MYH13: variants seen among roughly 807,000 people sequenced by gnomAD.
MYH13 encodes myosin heavy chain 13, also known as myosin-13.
A neutral mutation model predicts 232.1 loss-of-function variants in MYH13; 177 were observed. The observed-to-expected ratio is 0.76, with a 90% CI of 0.67 to 0.86. The LOEUF is 0.86. MYH13 is among the 40% of genes least tolerant of loss of function. MYH13 has a pLI of 0.00. For missense variants in MYH13, 2,246 were observed against 2,405.9 expected, an observed-to-expected ratio of 0.93 and a Z score of 1.39; for synonymous variants, 884 against 923.5, an observed-to-expected ratio of 0.96 and a Z score of 0.78.
chr17:10,310,506 C>A (rs1290855250), intron 33 of MYH13, among the ~76,000 whole-genome samples: 2 of 152,170 alleles, frequency 1.3e-5, no homozygotes, highest in African/African-American at 4.8e-5. Context: ...GGGACTAAAA[C>A]TTTGCATCGC....
rs1445485833 is a variant in MYH13, at chr17:10,319,148, T to C, written c.3380A>G (p.Glu1127Gly). 1 of 1,614,108 alleles carries C rather than the reference T, an allele frequency of 6.2e-7. No homozygotes were observed. The highest frequency in any genetic ancestry group is 2.2e-5 in the East Asian group (1 of 44,876). Residue 1127 changes from glutamate (E) to glycine (G), a missense_variant, in exon 27 of 41, where the codon GAA (glutamate) becomes GGA (glycine). By Grantham distance (98) the Glu-to-Gly change is moderately conservative. Coordinates refer to ENST00000252172, the MANE Select transcript of MYH13 (RefSeq NM_003802.3). ...ARIEELEEEI[E>G]AEHTLRAKIE... The stretch of plus-strand genomic sequence containing the variant: ...CTTGGCTCTGAGCGTGTGTTCCGCT[T>C]CAATTTCCTCCTCCAGCTCTTCTAT...
At chr17:10,353,439 C>T (rs1173331163) in intron 11 of MYH13, among the ~76,000 whole-genome samples, 1 of 152,188 alleles carries the variant, frequency 6.6e-6, no homozygotes, top group African/African-American at 2.4e-5. Context: ...GGATGATGGA[C>T]AAGACCCCTT....
chr17:10,313,005 C>G (rs1223465946), intron 30 of MYH13, among the ~76,000 whole-genome samples, 153 bp downstream of exon 30: 1 of 152,022 alleles, frequency 6.6e-6, no homozygotes, highest in African/African-American at 2.4e-5. Flanking sequence ...AGAAGAAGGA[C>G]AGGGAGACCC....
At chr17:10,316,540 A>G (rs1906721058) in intron 27 of MYH13, among the ~76,000 whole-genome samples, 1 of 152,238 alleles carries the variant, frequency 6.6e-6, no homozygotes, top group African/African-American at 2.4e-5. Flanking sequence ...GTAGATAAGT[A>G]TTTAATGATT....
intron 7 of MYH13, among the ~76,000 whole-genome samples, chr17:10,358,771 A>G (rs1314008106): frequency 6.6e-6 from 1 of 151,974 alleles, no homozygotes; most frequent in Non-Finnish European, 1.5e-5. Context: ...AATAAAAAGG[A>G]AAAAAAGATG....
chr17:10,323,884 A>G, intron 23 of MYH13, 138 bp downstream of exon 23: 4 of 1,131,054 alleles, frequency 3.5e-6, no homozygotes, highest in Non-Finnish European at 4.9e-6. Context: ...GGACTTAACT[A>G]CCCTTCACCT....
chr17:10,302,057 C>T (rs1906113315), intron 39 of MYH13, among the ~76,000 whole-genome samples: 1 of 152,212 alleles, frequency 6.6e-6, no homozygotes, highest in Admixed American at 6.5e-5. Context: ...TCTCCCTCGT[C>T]CTGTGCCTCT....
At chr17:10,326,637 A>ATT (rs60345675) in intron 22 of MYH13, among the ~76,000 whole-genome samples, 2 of 146,010 alleles carry the variant, frequency 1.4e-5, no homozygotes, top group South Asian at 2.2e-4. Flanking sequence ...CACCTGGCTA[A>ATT]TTTTTTTTTT....
chr17:10,350,465 C>T, intron 12 of MYH13, 91 bp downstream of exon 12: 1 of 1,515,916 alleles, frequency 6.6e-7, no homozygotes, highest in East Asian at 2.3e-5. Flanking sequence ...GGAAGAACAG[C>T]TCTTGAAATG....
At chr17:10,350,746 C>A in intron 11 of MYH13, 52 bp from the exon 12 acceptor site, 2 of 1,609,136 alleles carry the variant, frequency 1.2e-6, no homozygotes, top group South Asian at 1.1e-5. Context: ...GATCCATATG[C>A]AGCCTTTTCT....
At chr17:10,320,631 G>T (rs1192908450) in intron 24 of MYH13, 135 bp from the exon 25 acceptor site, 5 of 963,240 alleles carry the variant, frequency 5.2e-6, no homozygotes, top group Non-Finnish European at 7.5e-6. Context: ...TCTGGCCCCA[G>T]GAGGAAGCAA....
intron 23 of MYH13, 95 bp from the exon 24 acceptor site, chr17:10,321,803 T>C (rs1906949648): frequency 3.3e-6 from 4 of 1,207,480 alleles, no homozygotes; most frequent in Non-Finnish European, 4.6e-6. Flanking sequence ...TTTTCCTTTT[T>C]CCCTTTTCTT....
At chr17:10,317,143 G>C (rs1040763444) in intron 27 of MYH13, among the ~76,000 whole-genome samples, 2 of 152,196 alleles carry the variant, frequency 1.3e-5, no homozygotes, top group African/African-American at 4.8e-5. Context: ...AGGGAGGCTG[G>C]AGTGGGGGCT....
intron 2 of MYH13, among the ~76,000 whole-genome samples, chr17:10,367,386 T>C (rs1162173578): frequency 6.6e-6 from 1 of 152,232 alleles, no homozygotes; most frequent in Non-Finnish European, 1.5e-5. Context: ...TCTCAATGTG[T>C]CATCCAGGCT....
At chr17:10,336,257 G>A (rs1263378825) in intron 18 of MYH13, among the ~76,000 whole-genome samples, 2 of 152,114 alleles carry the variant, frequency 1.3e-5, no homozygotes, top group Non-Finnish European at 2.9e-5. Context: ...TCAGGTCCAC[G>A]TAAAGGGCCT....
chr17:10,335,655 T>A (rs1289489493), intron 18 of MYH13, among the ~76,000 whole-genome samples: 1 of 152,026 alleles, frequency 6.6e-6, no homozygotes, highest in Non-Finnish European at 1.5e-5. Flanking sequence ...CTCGGGAGGC[T>A]GAGGCAGGAG....
chr17:10,335,025 C>T (rs2071562773), intron 18 of MYH13, among the ~76,000 whole-genome samples: 1 of 152,192 alleles, frequency 6.6e-6, no homozygotes, highest in African/African-American at 2.4e-5. Flanking sequence ...ATGCTGTTTA[C>T]TAGCTTCGCG....
At chr17:10,323,787 A>AAAAAAAG in intron 23 of MYH13, among the ~76,000 whole-genome samples, 1 of 66,706 alleles carries the variant, frequency 1.5e-5, no homozygotes, top group Non-Finnish European at 2.8e-5. Context: ...AAAAAAAAAA[A>AAAAAAAG]AAGAAGAAGA....
chr17:10,320,380 G>T lies in MYH13; in HGVS notation c.3228C>A (p.Asp1076Glu), dbSNP rs2074876. The T allele has an allele frequency of 0.12, 200,087 of 1,611,532 alleles. 16,810 individuals are homozygous for T. Among genetic ancestry groups the T allele is most frequent in the East Asian group, 0.4 (17,862 of 44,820 alleles). ...SQESIMDLEN[D>E]KQQIEEKLKK... ...TCAATTTCTCTTCTATTTGCTGCTT[G>T]TCATTTTCTAGATCCATAATGGATT... Residue 1076 changes from aspartate to glutamate, a missense_variant, in exon 25 of 41, where the codon GAC becomes GAA. Physicochemically the swap from Asp to Glu is conservative, Grantham distance 45. Coordinates refer to ENST00000252172, the MANE Select transcript of MYH13 (RefSeq NM_003802.3).
Sources: allele counts gnomAD v4.1 joint callset (sites outside exome capture counted in the v4.1 genomes callset), GRCh38; gene constraint gnomAD v4.1.1; transcripts MANE v1.5; gene names NCBI Gene and HGNC (gene_info 2026-07-23, HGNC 2026-07-21).